The following CYP2J2 variants were observed in gnomAD, a reference collection of about 807,000 sequenced individuals.
CYP2J2 encodes cytochrome P450 2J2.
In CYP2J2, 41 loss-of-function variants were observed where a neutral mutation model predicts 48.8. The ratio of observed to expected loss-of-function variants is 0.84; its 90% CI spans 0.66 to 1.09. The LOEUF is 1.09. CYP2J2 is among the 50% of genes least tolerant of loss of function. The pLI, the probability that CYP2J2 is intolerant of heterozygous loss-of-function variation, is 0.00. For missense variants in CYP2J2, 644 were observed against 617.3 expected, an observed-to-expected ratio of 1.04 and a Z score of -0.46; for synonymous variants, 221 against 227.1, an observed-to-expected ratio of 0.97 and a Z score of 0.24.
At chr1:59,922,981 G>A (rs557508003) in intron 1 of CYP2J2, among the ~76,000 whole-genome samples, 34 of 152,280 alleles carry the variant, frequency 2.2e-4, no homozygotes, top group African/African-American at 5.3e-4. Flanking sequence ...GCTGAATTGC[G>A]ACTTCTATTC....
chr1:59,953,613 G>A, the CYP2J2 span, among the ~76,000 whole-genome samples: 2 of 151,964 alleles, frequency 1.3e-5, no homozygotes, highest in East Asian at 1.9e-4. Flanking sequence ...AGTAACATAT[G>A]TCATAAAGAG....
the CYP2J2 span, among the ~76,000 whole-genome samples, chr1:59,944,880 A>G: frequency 6.6e-6 from 1 of 152,000 alleles, no homozygotes; most frequent in Admixed American, 6.6e-5. Context: ...TGAAATCATG[A>G]CCCTCACCCA....
At chr1:59,965,409 C>T in the CYP2J2 span, among the ~76,000 whole-genome samples, 2 of 152,266 alleles carry the variant, frequency 1.3e-5, no homozygotes, top group Admixed American at 1.3e-4. Flanking sequence ...GCTACTCCAA[C>T]TCCACGACAC....
At chr1:59,940,594 C>T in the CYP2J2 span, among the ~76,000 whole-genome samples, 2 of 152,202 alleles carry the variant, frequency 1.3e-5, no homozygotes, top group African/African-American at 4.8e-5. Context: ...TTCAATCCAG[C>T]AGTCCAACTA....
intron 1 of CYP2J2, among the ~76,000 whole-genome samples, chr1:59,918,453 T>G (rs1644485363): frequency 6.6e-6 from 1 of 152,208 alleles, no homozygotes; most frequent in Non-Finnish European, 1.5e-5. Flanking sequence ...TATTTCGAAT[T>G]AAACAGAACT....
chr1:59,957,101 C>T, the CYP2J2 span, among the ~76,000 whole-genome samples: 4 of 152,244 alleles, frequency 2.6e-5, no homozygotes, highest in South Asian at 6.2e-4. Context: ...TCTTGGCCCA[C>T]AGAAACTGTG....
chr1:59,958,713 A>G, the CYP2J2 span, among the ~76,000 whole-genome samples: 102 of 152,244 alleles, frequency 6.7e-4, no homozygotes, highest in African/African-American at 2.4e-3. Flanking sequence ...GATACGATTC[A>G]TTCTCCATCC....
rs111798172 is a variant in CYP2J2 at position 59,912,250 on chromosome 1, T to C, written c.435A>G (p.Leu145=). The change falls in exon 3 of 9, where the codon CTA becomes CTG. Residue 145 remains leucine (L), a synonymous_variant. Transcript: ENST00000371204. ...TCTTCTTTCCTAAACCAAAGTTCCTTAGTGCTGTCAGAGTGAACCTTCTTT... is the reference window on the plus strand; with the variant it reads ...TCTTCTTTCCTAAACCAAAGTTCCTCAGTGCTGTCAGAGTGAACCTTCTTT... ...KEQRRFTLTA[L]RNFGLGKKSL... is the part of the protein sequence containing the mutation. 9 of 1,613,782 alleles carry C rather than the reference T, an allele frequency of 5.6e-6. No homozygotes were observed. The highest frequency in any genetic ancestry group is 7.6e-6 in the Non-Finnish European group (9 of 1,179,848).
chr1:59,952,418 G>A, the CYP2J2 span, among the ~76,000 whole-genome samples: 1 of 151,996 alleles, frequency 6.6e-6, no homozygotes, highest in East Asian at 1.9e-4. Flanking sequence ...CTTAGCAATG[G>A]CAGATTCAAG....
the CYP2J2 span, among the ~76,000 whole-genome samples, chr1:59,936,411 T>C: frequency 6.6e-6 from 1 of 152,116 alleles, no homozygotes; most frequent in Non-Finnish European, 1.5e-5. Context: ...CAAAACTCCA[T>C]AATCATGCCA....
chr1:59,942,443 T>G, the CYP2J2 span, among the ~76,000 whole-genome samples: 1 of 151,860 alleles, frequency 6.6e-6, no homozygotes, highest in Admixed American at 6.6e-5. Flanking sequence ...GGGCAGAGTG[T>G]GTGAAGGAGA....
the CYP2J2 span, among the ~76,000 whole-genome samples, chr1:59,940,939 T>C: frequency 2.0e-5 from 3 of 152,202 alleles, no homozygotes; most frequent in Non-Finnish European, 4.4e-5. Flanking sequence ...GTTGACGTTA[T>C]GGAAGTAGAC....
chr1:59,965,473 C>G, the CYP2J2 span, among the ~76,000 whole-genome samples: 1 of 152,168 alleles, frequency 6.6e-6, no homozygotes. Context: ...ATAAGAGATA[C>G]AGTGTGTTGT....
the CYP2J2 span, among the ~76,000 whole-genome samples, chr1:59,934,665 C>T: frequency 2.6e-5 from 4 of 151,930 alleles, no homozygotes; most frequent in African/African-American, 9.7e-5. Context: ...GGTATCACCT[C>T]ATACATGTTA....
Position 59,895,737 on chromosome 1 carries a change from T to G in CYP2J2, c.1331-1908A>C, listed in dbSNP as rs142717885. Among the ~76,000 whole-genome samples the G allele has an allele frequency of 7.4e-3, 1,125 of 152,312 alleles. 14 individuals carry two copies. The highest frequency in any genetic ancestry group is 7.5e-3 in the Non-Finnish European group (509 of 68,034). On this transcript the variant is annotated intron_variant, in intron 8 of 8. Coordinates refer to ENST00000371204, the MANE Select transcript of CYP2J2 (RefSeq NM_000775.4). ...CATATGTATACATGTGCCATGCTGG[T>G]GCGCTGCACCCACTAACTCGTCATC...
intron 1 of CYP2J2, among the ~76,000 whole-genome samples, chr1:59,921,824 G>A (rs1644518302): frequency 6.6e-6 from 1 of 152,098 alleles, no homozygotes; most frequent in Admixed American, 6.5e-5. Flanking sequence ...TGGATAGACT[G>A]TGTTTCTGTT....
At chr1:59,906,433 T>C (rs1052823120) in intron 6 of CYP2J2, among the ~76,000 whole-genome samples, 7 of 151,576 alleles carry the variant, frequency 4.6e-5, no homozygotes, top group African/African-American at 1.7e-4. Flanking sequence ...CTAATGGCTT[T>C]GCAAAGCCTA....
intron 1 of CYP2J2, among the ~76,000 whole-genome samples, chr1:59,922,062 G>T (rs991486194): frequency 4.6e-5 from 7 of 152,108 alleles, no homozygotes; most frequent in African/African-American, 1.7e-4. Flanking sequence ...GGTCCAGAAG[G>T]TCGTGACCCC....
chr1:59,893,510 T>G lies in CYP2J2; in HGVS notation c.*141A>C, dbSNP rs1303800073. Reference sequence around the variant, plus strand: ...AGACAGTAGAGCTGGGATTTGGATCTAGTTTTCTCTGAGTCAAATTCCTCT... The same window carrying G: ...AGACAGTAGAGCTGGGATTTGGATCGAGTTTTCTCTGAGTCAAATTCCTCT... On this transcript the variant is annotated 3_prime_UTR_variant, in exon 9 of 9. Coordinates refer to ENST00000371204, the MANE Select transcript of CYP2J2 (RefSeq NM_000775.4). 1.7e-6 allele frequency: 1 copy of G among 582,634 alleles called. No individual in the cohort carries two copies. Among genetic ancestry groups the G allele is most frequent in the African/African-American group, 1.9e-5 (1 of 53,088 alleles). The allele number at this position is 582,634 out of a possible 1,614,324, so 36.1% of individuals were successfully genotyped here.
Sources: gnomAD v4.1 joint callset for allele counts (sites outside exome capture counted in the v4.1 genomes callset) on GRCh38, gnomAD v4.1.1 for gene constraint, MANE v1.5 for transcripts, NCBI Gene and HGNC (gene_info 2026-07-23, HGNC 2026-07-21) for gene names.